Variants in RAB23 observed in about 807,000 individuals in gnomAD.
The protein encoded by RAB23 is ras-related protein Rab-23.
Under a neutral mutation model 30.0 loss-of-function variants are expected in RAB23, and 15 were observed. The ratio of observed to expected loss-of-function variants is 0.50; its 90% CI spans 0.33 to 0.77. RAB23 has a LOEUF of 0.77. Among genes scored for constraint, RAB23 ranks in the 30% least tolerant of loss-of-function variants. The pLI is 0.02. For synonymous variants in RAB23, 93 were observed against 94.0 expected (o/e 0.99, Z 0.06); for missense variants, 243 against 275.4 (o/e 0.88, Z 0.83).
At chr6:57,204,963 T>TATACACATACACATACATATGTGTAC (rs1765398562) in intron 3 of RAB23, among the ~76,000 whole-genome samples, 8 of 151,884 alleles carry the variant, frequency 5.3e-5, no homozygotes, top group South Asian at 2.1e-4. Context: ...TATATGTGTA[T>TATACACATACACATACATATGTGTAC]ATACACATAC....
intron 1 of RAB23, among the ~76,000 whole-genome samples, chr6:57,211,921 A>C (rs1395721191): frequency 2.0e-5 from 3 of 152,216 alleles, no homozygotes; most frequent in African/African-American, 7.2e-5. Flanking sequence ...GGAGTCCAAA[A>C]TGTGAACATT....
At chr6:57,215,901 T>C (rs768555700) in intron 1 of RAB23, among the ~76,000 whole-genome samples, 2 of 152,184 alleles carry the variant, frequency 1.3e-5, no homozygotes, top group Non-Finnish European at 2.9e-5. Flanking sequence ...AGGTACGGGT[T>C]CCACACTTCA....
Position 57,196,529 on chromosome 6 carries a change from C to G in RAB23, c.319G>C (p.Val107Leu). ...FEAVSSWREK[V>L]VAEVGDIPTV... is the part of the protein sequence containing the mutation. ...GGTATATCTCCCACTTCGGCTACTA[C>G]TTTCTCTCTCCAACTGGAAACTGCT... Residue 107 changes from valine to leucine, a missense_variant, in exon 4 of 7, where the codon GTA becomes CTA. Transcript: ENST00000468148. 2.5e-6 allele frequency: 4 copies of G among 1,614,032 alleles called. No homozygotes were observed. The highest frequency in any genetic ancestry group is 3.4e-6 in the Non-Finnish European group (4 of 1,179,970).
chr6:57,217,949 C>CCTA (rs1447028512), intron 1 of RAB23, among the ~76,000 whole-genome samples: 1 of 152,080 alleles, frequency 6.6e-6, no homozygotes, highest in Non-Finnish European at 1.5e-5. Flanking sequence ...ACGTAACAAC[C>CCTA]CTACACACAT....
chr6:57,194,386 TATTAA>T (rs1329568844), intron 5 of RAB23, among the ~76,000 whole-genome samples: 10 of 152,064 alleles, frequency 6.6e-5, no homozygotes, highest in Non-Finnish European at 1.2e-4. Context: ...TAGGAAATAC[TATTAA>T]ATTAAAGTAT....
At chr6:57,193,791 GTTTT>G in intron 6 of RAB23, 47 bp downstream of exon 6, 1 of 1,596,430 alleles carries the variant, frequency 6.3e-7, no homozygotes. Flanking sequence ...TATTATATGT[GTTTT>G]TTAACTTTAC....
Position 57,208,664 on chromosome 6 carries a change from T to C in RAB23, c.156-951A>G, listed in dbSNP as rs1021845261. 8.0e-5 allele frequency among the ~76,000 whole-genome samples: 12 copies of C among 149,826 alleles called. 1 individual carries two copies. The highest frequency in any genetic ancestry group is 1.6e-4 in the Non-Finnish European group (11 of 67,618). On this transcript the variant is annotated intron_variant, in intron 2 of 6. Coordinates refer to ENST00000468148, the MANE Select transcript of RAB23 (RefSeq NM_016277.5). ...AAAAAAAAAAAGCGATTTACCTCCCTGGCTCACTGGTTGCCCTTAAACTTA... is the reference window on the plus strand; with the variant it reads ...AAAAAAAAAAAGCGATTTACCTCCCCGGCTCACTGGTTGCCCTTAAACTTA...
intron 6 of RAB23, among the ~76,000 whole-genome samples, chr6:57,192,975 T>C (rs1047561861): frequency 2.0e-5 from 3 of 152,156 alleles, no homozygotes; most frequent in African/African-American, 7.2e-5. Flanking sequence ...GGCAGGAGGC[T>C]ACACAGAAGG....
At chr6:57,205,877 CAAA>C (rs923788459) in intron 3 of RAB23, among the ~76,000 whole-genome samples, 43 of 152,178 alleles carry the variant, frequency 2.8e-4, no homozygotes, top group African/African-American at 9.9e-4. Context: ...ACTATTTTCT[CAAA>C]GAAGAGTGAA....
At chr6:57,207,979 T>C (rs1204271473) in intron 2 of RAB23, among the ~76,000 whole-genome samples, 4 of 152,164 alleles carry the variant, frequency 2.6e-5, no homozygotes, top group East Asian at 1.9e-4. Flanking sequence ...TATAAATCCT[T>C]ATGCTCCTCA....
chr6:57,196,119 A>T (rs770406876), intron 4 of RAB23, among the ~76,000 whole-genome samples: 28 of 152,174 alleles, frequency 1.8e-4, no homozygotes, highest in Non-Finnish European at 4.0e-4. Context: ...AAATCTAGGG[A>T]TGCTTTTCTT....
At chr6:57,215,744 A>G (rs1765811914) in intron 1 of RAB23, among the ~76,000 whole-genome samples, 1 of 152,234 alleles carries the variant, frequency 6.6e-6, no homozygotes, top group Non-Finnish European at 1.5e-5. Context: ...ATTGTTAAAT[A>G]CAACAGACTT....
chr6:57,199,778 T>A (rs1189239827), intron 3 of RAB23, among the ~76,000 whole-genome samples: 2 of 151,614 alleles, frequency 1.3e-5, no homozygotes, highest in Non-Finnish European at 2.9e-5. Context: ...AACCTAAAAA[T>A]ATTACTAAAA....
intron 4 of RAB23, among the ~76,000 whole-genome samples, chr6:57,195,973 T>A (rs1272933017): frequency 1.3e-5 from 2 of 152,116 alleles, no homozygotes; most frequent in African/African-American, 4.8e-5. Context: ...AATAATACAA[T>A]AAGTAAATAT....
chr6:57,206,711 G>A (rs1369910445), intron 3 of RAB23, among the ~76,000 whole-genome samples: 5 of 152,204 alleles, frequency 3.3e-5, no homozygotes, highest in South Asian at 2.1e-4. Flanking sequence ...AGGAATGTGA[G>A]TATGCAGGGA....
intron 3 of RAB23, among the ~76,000 whole-genome samples, chr6:57,203,249 G>A (rs1765336015): frequency 6.6e-6 from 1 of 152,092 alleles, no homozygotes; most frequent in Non-Finnish European, 1.5e-5. Flanking sequence ...CAGGTGACCT[G>A]CCGGCCGCAG....
intron 1 of RAB23, among the ~76,000 whole-genome samples, chr6:57,219,188 C>T (rs1482842328): frequency 6.6e-6 from 1 of 152,116 alleles, no homozygotes; most frequent in Non-Finnish European, 1.5e-5. Context: ...TTTCTGTGTA[C>T]AAACAATGTA....
chr6:57,209,302 T>C (rs1019343606), intron 2 of RAB23, among the ~76,000 whole-genome samples: 2 of 152,182 alleles, frequency 1.3e-5, no homozygotes, highest in African/African-American at 4.8e-5. Context: ...TACAAATAAA[T>C]ATTACCAAGT....
At chr6:57,196,780 A>G (rs972146539) in intron 3 of RAB23, among the ~76,000 whole-genome samples, 174 bp from the exon 4 acceptor site, 11 of 152,216 alleles carry the variant, frequency 7.2e-5, no homozygotes, top group Non-Finnish European at 7.3e-5. Flanking sequence ...ACTTTTCAAC[A>G]TATAAACTCT....
Sources: gnomAD v4.1 joint callset for allele counts (sites outside exome capture counted in the v4.1 genomes callset) on GRCh38, gnomAD v4.1.1 for gene constraint, MANE v1.5 for transcripts, NCBI Gene and HGNC (gene_info 2026-07-23, HGNC 2026-07-21) for gene names.